HCFC2: variants seen among roughly 807,000 people sequenced by gnomAD.
HCFC2 encodes the protein host cell factor 2.
HCFC2 carries 18 observed loss-of-function variants against 89.2 expected under a neutral mutation model. The ratio of observed to expected loss-of-function variants is 0.20; its 90% CI spans 0.14 to 0.30. HCFC2 has a LOEUF of 0.30. HCFC2 is among the 10% of genes least tolerant of loss of function. HCFC2 has a pLI of 1.00. For synonymous variants in HCFC2, 308 were observed against 335.7 expected (o/e 0.92, Z 0.90); for missense variants, 578 against 956.1 (o/e 0.60, Z 5.21).
At chr12:104,089,370 G>A (rs568394310) in intron 9 of HCFC2, among the ~76,000 whole-genome samples, 1 of 152,036 alleles carries the variant, frequency 6.6e-6, no homozygotes, top group Non-Finnish European at 1.5e-5. Flanking sequence ...CAAAAAATTA[G>A]CCGGGCATGG....
At chr12:104,089,230 C>T (rs1182040249) in intron 9 of HCFC2, among the ~76,000 whole-genome samples, 4 of 152,226 alleles carry the variant, frequency 2.6e-5, no homozygotes, top group East Asian at 3.9e-4. Context: ...AAATAATCCA[C>T]GGCCAGGCGT....
chr12:104,083,640 G>A (rs1216905959), intron 7 of HCFC2, among the ~76,000 whole-genome samples: 1 of 152,126 alleles, frequency 6.6e-6, no homozygotes, highest in African/African-American at 2.4e-5. Context: ...GGAGAAAAGG[G>A]AAAGCTGGGG....
chr12:104,089,498 C>T (rs769843703), intron 9 of HCFC2, among the ~76,000 whole-genome samples: 8 of 152,096 alleles, frequency 5.3e-5, no homozygotes, highest in East Asian at 1.9e-4. Context: ...CCTGGGTGAC[C>T]GAGCAAGACT....
intron 9 of HCFC2, among the ~76,000 whole-genome samples, chr12:104,090,208 C>T (rs1472256684): frequency 2.0e-5 from 3 of 152,144 alleles, no homozygotes; most frequent in Non-Finnish European, 4.4e-5. Context: ...AATAGTTTGG[C>T]TGGCTTATAG....
At chr12:104,065,184 G>A (rs1883048559) in intron 1 of HCFC2, 1 of 152,820 alleles carries the variant, frequency 6.5e-6, no homozygotes, top group Admixed American at 6.5e-5. Context: ...GAGGCCTTCT[G>A]GCACTCTCGC....
In HCFC2 at chr12:104,106,146, C is replaced by T. The variant is rs1380946577; in HGVS notation, c.*2873C>T. ...ATCTGATTGCATGTATGAAGGACTC[C>T]TGCCTCATTACCCAATTACATAAAT... On this transcript the variant is annotated 3_prime_UTR_variant, in exon 15 of 15. Coordinates refer to ENST00000229330, the MANE Select transcript of HCFC2 (RefSeq NM_013320.3). 1 of 151,974 alleles carries T rather than the reference C, an allele frequency of 6.6e-6. No individual in the cohort carries two copies. Among genetic ancestry groups the T allele is most frequent in the African/African-American group, 2.4e-5 (1 of 41,408 alleles). The allele number at this position is 151,974 out of a possible 1,614,324, so 9.4% of individuals were successfully genotyped here.
chr12:104,075,686 C>G (rs555027748), intron 3 of HCFC2, among the ~76,000 whole-genome samples: 46 of 152,256 alleles, frequency 3.0e-4, no homozygotes, highest in Non-Finnish European at 2.8e-4. Flanking sequence ...TCTTGAACTC[C>G]TGGCCTCAAG....
In HCFC2 at chr12:104,105,787, A is replaced by G. The variant is rs1447547432; in HGVS notation, c.*2514A>G. On this transcript the variant is annotated 3_prime_UTR_variant, in exon 15 of 15. Transcript: ENST00000229330. ...GCATTTAGCTTCTTATGATTTGCAC[A>G]TTTTCTAAATGAAGATCCCTTTGTG... 1 of 152,084 alleles carries G rather than the reference A, an allele frequency of 6.6e-6. No homozygotes were observed. Among genetic ancestry groups the G allele is most frequent in the Admixed American group, 6.5e-5 (1 of 15,272 alleles). 9.4% of individuals were successfully genotyped at this position (152,084 alleles called of 1,614,324 possible).
At chr12:104,065,450 C>G (rs904854660) in intron 1 of HCFC2, among the ~76,000 whole-genome samples, 5 of 152,128 alleles carry the variant, frequency 3.3e-5, no homozygotes, top group Non-Finnish European at 7.4e-5. Context: ...TTTTTTTCCC[C>G]TTGTAAATGC....
intron 3 of HCFC2, among the ~76,000 whole-genome samples, chr12:104,073,168 T>TC (rs1255003552): frequency 1.0e-5 from 1 of 97,872 alleles, no homozygotes; most frequent in Admixed American, 1.2e-4. Context: ...TCTGTTTGCC[T>TC]TTTTTTTTTT....
chr12:104,079,901 G>A (rs1883628782), intron 4 of HCFC2, among the ~76,000 whole-genome samples: 1 of 152,112 alleles, frequency 6.6e-6, no homozygotes, highest in Admixed American at 6.6e-5. Flanking sequence ...GTTTACCTGG[G>A]ATGATTCTGG....
chr12:104,093,462 T>G lies in HCFC2; in HGVS notation c.1361T>G (p.Phe454Cys). ...ACTTCAATGAAAAACAAACCAGACT[T>G]TAAAGCACTGACGGATTCTAATGCC... ...KETSMKNKPDFKALTDSNAIL... is the reference protein window; with the variant it reads ...KETSMKNKPDCKALTDSNAIL... The change falls in exon 10 of 15, where the codon TTT (phenylalanine) becomes TGT (cysteine). Residue 454 changes from phenylalanine (F) to cysteine (C), a missense_variant. Around this residue, in one of 4 missense-constraint regions of HCFC2, gnomAD observed 210 missense variants for 251.7 expected, o/e 0.83. Coordinates refer to ENST00000229330, the MANE Select transcript of HCFC2 (RefSeq NM_013320.3). The G allele has an allele frequency of 6.2e-7, 1 of 1,613,452 alleles. No homozygotes were observed. The highest frequency in any genetic ancestry group is 8.5e-7 in the Non-Finnish European group (1 of 1,179,636).
At chr12:104,078,606 A>G (rs1883586492) in intron 3 of HCFC2, among the ~76,000 whole-genome samples, 1 of 152,208 alleles carries the variant, frequency 6.6e-6, no homozygotes, top group East Asian at 1.9e-4. Context: ...AGTATGCCTC[A>G]TTTATCCATA....
intron 4 of HCFC2, 121 bp downstream of exon 4, chr12:104,079,774 G>A: frequency 1.4e-6 from 1 of 736,730 alleles, no homozygotes; most frequent in Non-Finnish European, 2.3e-6. Flanking sequence ...TGTAGCCCCA[G>A]GGACAGTGTA....
In HCFC2 at chr12:104,064,953, C is replaced by A; in HGVS notation, c.163+230C>A. 1 of 395,706 alleles carries A rather than the reference C, an allele frequency of 2.5e-6. No individual in the cohort carries two copies. Among genetic ancestry groups the A allele is most frequent in the Non-Finnish European group, 4.4e-6 (1 of 225,796 alleles). 24.5% of individuals were successfully genotyped at this position (395,706 alleles called of 1,614,324 possible). A position where few individuals can be genotyped will look rare whatever the true frequency, so the allele number is the denominator to read the frequency against. ...CGCAACGGACCCCGAGCGGGGCGCA[C>A]CGGCCTTCAGGCGGGGGATCCCGGA... On this transcript the variant is annotated intron_variant, in intron 1 of 14. Coordinates refer to ENST00000229330, the MANE Select transcript of HCFC2 (RefSeq NM_013320.3). The surrounding 1 kb of genome is among the most constrained non-coding windows in gnomAD (Gnocchi z 7.3).
chr12:104,098,469 A>T lies in HCFC2; in HGVS notation c.1867A>T (p.Ser623Cys). Reference sequence around the variant, plus strand: ...TTATTTGCTGCCAAAAGGGAAGCAAAGCATCTCAAAGGTAGCTATTGATAT... The same window carrying T: ...TTATTTGCTGCCAAAAGGGAAGCAATGCATCTCAAAGGTAGCTATTGATAT... ...QFYLLPKGKQ[S>C]ISKVGNADVP... The change falls in exon 13 of 15, where the codon AGC becomes TGC. Residue 623 changes from serine (S) to cysteine (C), a missense_variant. Coordinates refer to ENST00000229330, the MANE Select transcript of HCFC2 (RefSeq NM_013320.3). The T allele has an allele frequency of 6.2e-7, 1 of 1,604,100 alleles. No homozygotes were observed. The highest frequency in any genetic ancestry group is 1.3e-5 in the African/African-American group (1 of 74,456).
intron 12 of HCFC2, among the ~76,000 whole-genome samples, chr12:104,097,372 G>T (rs1021968016): frequency 1.3e-5 from 2 of 151,956 alleles, no homozygotes; most frequent in Non-Finnish European, 2.9e-5. Flanking sequence ...TTTCTCTTGA[G>T]TCTGTTTTGC....
Position 104,068,226 on chromosome 12 carries a change from A to G in HCFC2, c.473+119A>G. ...TTAGCTTTTTGCATTTCAACCTAAC[A>G]GTGGACAGATTTGTGTGTGTTTGTG... On this transcript the variant is annotated intron_variant, in intron 3 of 14. Coordinates refer to ENST00000229330, the MANE Select transcript of HCFC2 (RefSeq NM_013320.3). This position sits in a 1 kb window ranked among gnomAD's most constrained non-coding sequence, Gnocchi z 4.1. 2 of 791,790 alleles carry G rather than the reference A, an allele frequency of 2.5e-6. No individual in the cohort carries two copies. Among genetic ancestry groups the G allele is most frequent in the East Asian group, 3.0e-5 (1 of 33,810 alleles). 49.0% of individuals were successfully genotyped at this position (791,790 alleles called of 1,614,324 possible).
At chr12:104,086,749 A>G (rs2136615378) in intron 7 of HCFC2, 98 bp from the exon 8 acceptor site, 3 of 1,009,780 alleles carry the variant, frequency 3.0e-6, no homozygotes, top group Non-Finnish European at 4.4e-6. Context: ...TGAAATGTTC[A>G]TTGCTGATGT....
Sources: gnomAD v4.1 joint callset for allele counts (sites outside exome capture counted in the v4.1 genomes callset) on GRCh38, gnomAD v4.1.1 for gene constraint, gnomAD v4.1.1 regional missense constraint, Gnocchi (gnomAD v3.1) non-coding constraint, MANE v1.5 for transcripts, NCBI Gene and HGNC (gene_info 2026-07-23, HGNC 2026-07-21) for gene names.